The following KIRREL3 variants were observed in gnomAD, a reference collection of about 807,000 sequenced individuals.
The protein encoded by KIRREL3 is kirre like nephrin family adhesion molecule 3.
A neutral mutation model predicts 89.7 loss-of-function variants in KIRREL3; 36 were observed. That is an observed-to-expected ratio of 0.40 (90% CI 0.31 to 0.53). The LOEUF is 0.53. Among genes scored for constraint, KIRREL3 ranks in the 20% least tolerant of loss-of-function variants. KIRREL3 has a pLI of 0.49. For synonymous variants in KIRREL3, 445 were observed against 441.4 expected (o/e 1.01, Z -0.10); for missense variants, 864 against 1,056.6 (o/e 0.82, Z 2.53).
Position 126,752,672 on chromosome 11 carries a change from A to G in KIRREL3, c.56-189760T>C, listed in dbSNP as rs1473095475. ...CCTCCCAAGATTCACATGTGAAAGA[A>G]TGCAAATTCAATTCCTCCTGACAAA... On this transcript the variant is annotated intron_variant, in intron 1 of 16. Coordinates refer to ENST00000525144, the MANE Select transcript of KIRREL3 (RefSeq NM_032531.4). This position sits in a 1 kb window ranked among gnomAD's most constrained non-coding sequence, Gnocchi z 4.8. Among the ~76,000 whole-genome samples the G allele has an allele frequency of 6.6e-6, 1 of 152,174 alleles. No individual in the cohort carries two copies. Among genetic ancestry groups the G allele is most frequent in the Non-Finnish European group, 1.5e-5 (1 of 68,030 alleles).
Position 126,576,350 on chromosome 11 carries a change from T to C in KIRREL3, c.56-13438A>G, listed in dbSNP as rs907689249. Reference sequence around the variant, plus strand: ...TTTTTATCTTTGAGTTTATTCTAATTTCATTCATTCATTCTCATTCATTCA... The same window carrying C: ...TTTTTATCTTTGAGTTTATTCTAATCTCATTCATTCATTCTCATTCATTCA... On this transcript the variant is annotated intron_variant, in intron 1 of 16. Coordinates refer to ENST00000525144, the MANE Select transcript of KIRREL3 (RefSeq NM_032531.4). This position sits in a 1 kb window ranked among gnomAD's most constrained non-coding sequence, Gnocchi z 5.4. 1.3e-5 allele frequency among the ~76,000 whole-genome samples: 2 copies of C among 152,020 alleles called. No homozygotes were observed. Among genetic ancestry groups the C allele is most frequent in the Non-Finnish European group, 2.9e-5 (2 of 68,000 alleles).
rs1591617816 is a variant in KIRREL3, at chr11:126,485,152, T to C, written c.434-11686A>G. ...GATTGTTAAAGGATGTGGCATCCGA[T>C]ATATTTGGCAGCACAATCGCACAGA... On this transcript the variant is annotated intron_variant, in intron 4 of 16. Coordinates refer to ENST00000525144, the MANE Select transcript of KIRREL3 (RefSeq NM_032531.4). This position sits in a 1 kb window ranked among gnomAD's most constrained non-coding sequence, Gnocchi z 5.8. 6.6e-6 allele frequency among the ~76,000 whole-genome samples: 1 copy of C among 152,008 alleles called. No individual in the cohort carries two copies. Among genetic ancestry groups the C allele is most frequent in the African/African-American group, 2.4e-5 (1 of 41,408 alleles).
chr11:126,925,020 G>A (rs1947642156), intron 1 of KIRREL3, among the ~76,000 whole-genome samples: 1 of 146,620 alleles, frequency 6.8e-6, no homozygotes, highest in African/African-American at 2.5e-5. Context: ...TAGGGCAAAG[G>A]GAAAAGGGGT....
Position 126,624,031 on chromosome 11 carries a change from G to T in KIRREL3, c.56-61119C>A, listed in dbSNP as rs1033209704. Among the ~76,000 whole-genome samples the T allele has an allele frequency of 2.6e-5, 4 of 152,168 alleles. No individual in the cohort carries two copies. The highest frequency in any genetic ancestry group is 9.7e-5 in the African/African-American group (4 of 41,436). ...GGAAGAGCTAATCTCCTCTTCACCT[G>T]TGATGACTGTTTTTCCACCTGTGGC... On this transcript the variant is annotated intron_variant, in intron 1 of 16. Coordinates refer to ENST00000525144, the MANE Select transcript of KIRREL3 (RefSeq NM_032531.4). This position sits in a 1 kb window ranked among gnomAD's most constrained non-coding sequence, Gnocchi z 6.0.
At chr11:126,950,022 T>G (rs946270902) in intron 1 of KIRREL3, among the ~76,000 whole-genome samples, 1 of 152,238 alleles carries the variant, frequency 6.6e-6, no homozygotes. Flanking sequence ...CACTATTTTT[T>G]TCTTCCTTGT....
intron 4 of KIRREL3, among the ~76,000 whole-genome samples, chr11:126,502,912 C>T (rs1466003041): frequency 1.3e-5 from 2 of 152,190 alleles, no homozygotes; most frequent in African/African-American, 2.4e-5. Flanking sequence ...ATAAGATTTA[C>T]AGGTGGCAAG....
Position 126,435,299 on chromosome 11 carries a change from C to T in KIRREL3, c.1557G>A (p.Ser519=), listed in dbSNP as rs527776823. The change falls in exon 13 of 17, where the codon TCG becomes TCA. Residue 519 remains serine, a synonymous_variant. Transcript: ENST00000525144. ...CCAGCCCGGCTCCCGACTTCATTTC[C>T]GAACCTGTTTGGAAATAAAGCAAGC... ...TEIIRLKEQG[S]EMKSGAGLEA... is the part of the protein sequence containing the mutation. 39 of 1,613,800 alleles carry T rather than the reference C, an allele frequency of 2.4e-5. No homozygotes were observed. The highest frequency in any genetic ancestry group is 8.0e-5 in the African/African-American group (6 of 75,032).
intron 9 of KIRREL3, 87 bp downstream of exon 9, chr11:126,446,672 T>C (rs1955827561): frequency 1.4e-6 from 2 of 1,393,186 alleles, no homozygotes; most frequent in Admixed American, 2.1e-5. Flanking sequence ...AGTCTAATAG[T>C]GAGAGGGGCC....
At chr11:126,720,180 T>C (rs755743913) in intron 1 of KIRREL3, among the ~76,000 whole-genome samples, 30 of 152,236 alleles carry the variant, frequency 2.0e-4, no homozygotes, top group Non-Finnish European at 4.1e-4. Context: ...AGCTCCCACT[T>C]GAATGTAAAC....
intron 1 of KIRREL3, among the ~76,000 whole-genome samples, chr11:126,809,941 G>A (rs1044268018): frequency 6.6e-6 from 1 of 152,186 alleles, no homozygotes; most frequent in East Asian, 1.9e-4. Context: ...GGGGCTCTGG[G>A]GGTCTAGGTG....
At chr11:126,821,880 G>C (rs1332078436) in intron 1 of KIRREL3, among the ~76,000 whole-genome samples, 2 of 152,150 alleles carry the variant, frequency 1.3e-5, no homozygotes, top group East Asian at 3.9e-4. Context: ...AGGTGGAAAA[G>C]GCATGGAAGC....
chr11:126,563,511 A>G lies in KIRREL3; in HGVS notation c.56-599T>C, dbSNP rs1940285283. On this transcript the variant is annotated intron_variant, in intron 1 of 16. Transcript: ENST00000525144. This position sits in a 1 kb window ranked among gnomAD's most constrained non-coding sequence, Gnocchi z 6.8. Reference sequence around the variant, plus strand: ...TTGGAGAGGGTGCGTTTCTGGTGCTAGAGATTCCTGTGCCTTCCTATATCA... The same window carrying G: ...TTGGAGAGGGTGCGTTTCTGGTGCTGGAGATTCCTGTGCCTTCCTATATCA... Among the ~76,000 whole-genome samples the G allele has an allele frequency of 6.6e-6, 1 of 152,154 alleles. No homozygotes were observed. The highest frequency in any genetic ancestry group is 1.5e-5 in the Non-Finnish European group (1 of 68,014).
In KIRREL3 at chr11:126,818,623, T is replaced by TGTG. The variant is rs771686378; in HGVS notation, c.55+181831_55+181832insCAC. 2.1e-3 allele frequency among the ~76,000 whole-genome samples: 47 copies of TGTG among 22,502 alleles called. 1 individual carries two copies. The highest frequency in any genetic ancestry group is 4.9e-3 in the East Asian group (2 of 410). 14.8% of individuals were successfully genotyped at this position (22,502 alleles called of 152,430 possible). On this transcript the variant is annotated intron_variant, in intron 1 of 16. Coordinates refer to ENST00000525144, the MANE Select transcript of KIRREL3 (RefSeq NM_032531.4). ...AATTGTGTAGTAGTAGTAGTAGTAG[T>TGTG]AGTGTGTGTGTGTGTGTGTGTGTGT...
At position 126,550,309 on chromosome 11, in the gene KIRREL3, T is replaced by G. The variant is rs1205771228; in HGVS notation, c.133+12526A>C. On this transcript the variant is annotated intron_variant, in intron 2 of 16. Transcript: ENST00000525144. This position sits in a 1 kb window ranked among gnomAD's most constrained non-coding sequence, Gnocchi z 4.9. ...TAATGATAGGGGTCTAAGCCTGCCC[T>G]GACTACACCCGGGATTTGAATCTAG... 1 of 152,206 alleles carries G rather than the reference T, an allele frequency of 6.6e-6. No homozygotes were observed. Among genetic ancestry groups the G allele is most frequent in the Non-Finnish European group, 1.5e-5 (1 of 68,040 alleles). The allele number at this position is 152,206 out of a possible 1,614,324, so 9.4% of individuals were successfully genotyped here. A position where few individuals can be genotyped will look rare whatever the true frequency, so the allele number is the denominator to read the frequency against.
At chr11:126,673,784 C>T (rs943343079) in intron 1 of KIRREL3, among the ~76,000 whole-genome samples, 2 of 152,186 alleles carry the variant, frequency 1.3e-5, no homozygotes, top group African/African-American at 4.8e-5. Flanking sequence ...TTAATCCTTG[C>T]CCTGCTCATA....
intron 1 of KIRREL3, among the ~76,000 whole-genome samples, chr11:126,939,548 G>T (rs11220667): frequency 6.6e-6 from 1 of 152,120 alleles, no homozygotes; most frequent in African/African-American, 2.4e-5. Context: ...CTTAAGTGGC[G>T]TTTCCAGGAG....
Position 126,883,969 on chromosome 11 carries a change from T to C in KIRREL3, c.55+116486A>G, listed in dbSNP as rs1434652073. ...CTCAAAGACATGAGCCCCCTGTTCC[T>C]GCAGGTATTAAAGTGGAGGGTGACT... On this transcript the variant is annotated intron_variant, in intron 1 of 16. Coordinates refer to ENST00000525144, the MANE Select transcript of KIRREL3 (RefSeq NM_032531.4). This position sits in a 1 kb window ranked among gnomAD's most constrained non-coding sequence, Gnocchi z 4.1. 1.3e-5 allele frequency among the ~76,000 whole-genome samples: 2 copies of C among 152,194 alleles called. No individual in the cohort carries two copies. Among genetic ancestry groups the C allele is most frequent in the East Asian group, 3.9e-4 (2 of 5,186 alleles).
At chr11:126,597,868 T>C (rs750095787) in intron 1 of KIRREL3, among the ~76,000 whole-genome samples, 4 of 152,260 alleles carry the variant, frequency 2.6e-5, no homozygotes, top group Non-Finnish European at 5.9e-5. Context: ...CCTTGATCAG[T>C]ACTGTATCAT....
chr11:126,721,805 T>G (rs1306882427), intron 1 of KIRREL3, among the ~76,000 whole-genome samples: 1 of 152,170 alleles, frequency 6.6e-6, no homozygotes, highest in African/African-American at 2.4e-5. Flanking sequence ...GAGGGACAGC[T>G]GCAGCTTCAC....
Sources: allele counts gnomAD v4.1 joint callset (sites outside exome capture counted in the v4.1 genomes callset), GRCh38; gene constraint gnomAD v4.1.1; non-coding constraint Gnocchi (gnomAD v3.1); transcripts MANE v1.5; gene names NCBI Gene and HGNC (gene_info 2026-07-23, HGNC 2026-07-21).